Variants in MARCHF7 observed in about 807,000 individuals in gnomAD.
MARCHF7 encodes E3 ubiquitin-protein ligase MARCHF7.
In MARCHF7, 20 loss-of-function variants were observed where a neutral mutation model predicts 76.5. The ratio of observed to expected loss-of-function variants is 0.26; its 90% confidence interval spans 0.18 to 0.38. The LOEUF (loss-of-function observed/expected upper bound fraction) is 0.38. Among genes scored for constraint, MARCHF7 ranks in the 10% least tolerant of loss-of-function variants. MARCHF7 has a pLI of 1.00. For synonymous variants in MARCHF7, 295 were observed against 293.0 expected, an observed-to-expected ratio of 1.01 and a Z score of -0.07; for missense variants, 797 against 812.9, an observed-to-expected ratio of 0.98 and a Z score of 0.24.
At chr2:159,747,088 G>T (rs778988268) in intron 6 of MARCHF7, among the ~76,000 whole-genome samples, 3 of 152,126 alleles carry the variant, frequency 2.0e-5, no homozygotes, top group Non-Finnish European at 4.4e-5. Flanking sequence ...CTTTGCAAAG[G>T]AATCCTGTAG....
chr2:159,725,119 T>G (rs186521739), intron 3 of MARCHF7, among the ~76,000 whole-genome samples: 1 of 152,364 alleles, frequency 6.6e-6, no homozygotes, highest in Admixed American at 6.5e-5. Context: ...TCTTTGCTAT[T>G]GTGAGTAGTG....
chr2:159,765,398 G>A (rs1378913947), intron 11 of MARCHF7, among the ~76,000 whole-genome samples: 1 of 152,032 alleles, frequency 6.6e-6, no homozygotes, highest in African/African-American at 2.4e-5. Context: ...GTAACTTCCA[G>A]TGTGCTTCAT....
At chr2:159,732,360 T>G (rs941829715) in intron 4 of MARCHF7, among the ~76,000 whole-genome samples, 2 of 152,178 alleles carry the variant, frequency 1.3e-5, no homozygotes, top group African/African-American at 2.4e-5. Context: ...TCTAAATGCT[T>G]TTTAGTTGCT....
At chr2:159,727,104 CATACA>C (rs1333955473) in intron 3 of MARCHF7, among the ~76,000 whole-genome samples, 3 of 152,060 alleles carry the variant, frequency 2.0e-5, no homozygotes, top group African/African-American at 7.2e-5. Context: ...CATAACTATG[CATACA>C]ATACAATAAT....
chr2:159,732,719 A>G (rs1225965473), intron 4 of MARCHF7: 9 of 387,148 alleles, frequency 2.3e-5, no homozygotes, highest in Non-Finnish European at 2.8e-5. Context: ...TCTTATAGAG[A>G]TGGGGTCTTG....
intron 10 of MARCHF7, among the ~76,000 whole-genome samples, 160 bp downstream of exon 10, chr2:159,763,153 G>C (rs1707317428): frequency 6.6e-6 from 1 of 152,102 alleles, no homozygotes; most frequent in Non-Finnish European, 1.5e-5. Context: ...AATGGAAATT[G>C]CTGTCTTCTA....
In MARCHF7 at chr2:159,768,017, G is replaced by C. The variant is rs1281431009; in HGVS notation, c.*675G>C. ...GCAAAATGCAGATTATATTTGATAG[G>C]CTATAGTATGTAGATATTCCTTTTA... On this transcript the variant is annotated 3_prime_UTR_variant, in exon 12 of 12. Coordinates refer to ENST00000409175, the MANE Select transcript of MARCHF7 (RefSeq NM_001282805.2). 2 of 152,404 alleles carry C rather than the reference G, an allele frequency of 1.3e-5. No homozygotes were observed. The highest frequency in any genetic ancestry group is 2.9e-5 in the Non-Finnish European group (2 of 67,948). 9.4% of individuals were successfully genotyped at this position (152,404 alleles called of 1,614,324 possible). A position where few individuals can be genotyped will look rare whatever the true frequency, so the allele number is the denominator to read the frequency against.
intron 4 of MARCHF7, among the ~76,000 whole-genome samples, chr2:159,734,358 G>C (rs2125455362): frequency 6.6e-6 from 1 of 151,550 alleles, no homozygotes; most frequent in Admixed American, 6.6e-5. Context: ...CTGCTATAGA[G>C]ATCAGTACCA....
At position 159,743,398 on chromosome 2, in the gene MARCHF7, T is replaced by G. The variant is rs1704382274; in HGVS notation, c.346+145T>G. 9 of 692,802 alleles carry G rather than the reference T, an allele frequency of 1.3e-5. No individual in the cohort carries two copies. In the South Asian group the frequency reaches 1.8e-4, roughly 14 times the overall value. 42.9% of individuals were successfully genotyped at this position (692,802 alleles called of 1,614,324 possible). On this transcript the variant is annotated intron_variant, in intron 5 of 11. Coordinates refer to ENST00000409175, the MANE Select transcript of MARCHF7 (RefSeq NM_001282805.2). ...GGAATTTCCAAAATCTTACTTTAAA[T>G]TAATGCTAGAACTGATACTCTTCTG... is the stretch of plus-strand genomic sequence containing the variant.
chr2:159,722,716 A>G (rs781660904), intron 3 of MARCHF7, among the ~76,000 whole-genome samples: 1 of 152,174 alleles, frequency 6.6e-6, no homozygotes, highest in Non-Finnish European at 1.5e-5. Context: ...TTTTCACTAT[A>G]TTTTGTGCTT....
chr2:159,733,151 G>A (rs1703024013), intron 4 of MARCHF7: 1 of 730,486 alleles, frequency 1.4e-6, no homozygotes, highest in Non-Finnish European at 1.7e-6. Context: ...GTAGGGTATA[G>A]TATAATGTTA....
intron 7 of MARCHF7, among the ~76,000 whole-genome samples, chr2:159,751,266 C>G (rs967327562): frequency 6.6e-6 from 1 of 152,152 alleles, no homozygotes; most frequent in Non-Finnish European, 1.5e-5. Context: ...ACCACTCTAT[C>G]TGGTTAATTA....
rs1704379240 is a variant in MARCHF7, at chr2:159,743,369, T to C, written c.346+116T>C. The stretch of plus-strand genomic sequence containing the variant: ...ATATGAAGACAGTGGGTCAGAAATG[T>C]AGTGGAATTTCCAAAATCTTACTTT... On this transcript the variant is annotated intron_variant, in intron 5 of 11. Coordinates refer to ENST00000409175, the MANE Select transcript of MARCHF7 (RefSeq NM_001282805.2). 16 of 921,562 alleles carry C rather than the reference T, an allele frequency of 1.7e-5. 1 individual carries two copies. In the South Asian group the frequency reaches 2.0e-4, roughly 12 times the overall value. 57.1% of individuals were successfully genotyped at this position (921,562 alleles called of 1,614,324 possible).
intron 5 of MARCHF7, among the ~76,000 whole-genome samples, chr2:159,745,118 T>A (rs553385331): frequency 1.3e-5 from 2 of 152,338 alleles, no homozygotes; most frequent in Non-Finnish European, 2.9e-5. Context: ...TTTTGTGAAA[T>A]TCTCCATCTT....
intron 3 of MARCHF7, among the ~76,000 whole-genome samples, chr2:159,718,463 T>A (rs1574176147): frequency 6.6e-6 from 1 of 152,168 alleles, no homozygotes; most frequent in Admixed American, 6.5e-5. Flanking sequence ...TTATGACTAC[T>A]GTGTGACTCT....
chr2:159,727,543 G>A (rs1260102517), intron 3 of MARCHF7, among the ~76,000 whole-genome samples: 1 of 152,098 alleles, frequency 6.6e-6, no homozygotes, highest in Admixed American at 6.5e-5. Context: ...AGCCGAGATC[G>A]TGCCACTTCA....
At position 159,759,293 on chromosome 2, in the gene MARCHF7, T is replaced by G. The variant is rs1008697985; in HGVS notation, c.1851T>G (p.Asp617Glu). 4.3e-6 allele frequency: 7 copies of G among 1,612,074 alleles called. No homozygotes were observed. Among genetic ancestry groups the G allele is most frequent in the African/African-American group, 1.3e-5 (1 of 74,874 alleles). ...AGAAGTTGGAGCTTAACCTGGAGGA[T>G]TTTGATATTCATGAACTACATAGAG... ...CKEKLELNLE[D>E]FDIHELHRAH... Residue 617 changes from aspartate (D) to glutamate (E), a missense_variant, in exon 9 of 12, where the codon GAT becomes GAG. By Grantham distance (45) the Asp-to-Glu change is conservative (BLOSUM62 2). Around this residue, in one of 3 missense-constraint regions of MARCHF7, gnomAD observed 124 missense variants for 121.3 expected, o/e 1.02. Transcript: ENST00000409175.
chr2:159,718,114 A>G (rs1300899035), intron 3 of MARCHF7, among the ~76,000 whole-genome samples: 7 of 152,218 alleles, frequency 4.6e-5, no homozygotes. Flanking sequence ...TGAAGTTGAT[A>G]CTATCATTAT....
chr2:159,754,545 G>A (rs976395754), intron 8 of MARCHF7, among the ~76,000 whole-genome samples: 1 of 151,958 alleles, frequency 6.6e-6, no homozygotes, highest in Admixed American at 6.6e-5. Flanking sequence ...CTGGAGATAG[G>A]GAACAGGAAT....
Sources: gnomAD v4.1 joint callset for allele counts (sites outside exome capture counted in the v4.1 genomes callset) on GRCh38, gnomAD v4.1.1 for gene constraint, gnomAD v4.1.1 regional missense constraint, MANE v1.5 for transcripts, NCBI Gene and HGNC (gene_info 2026-07-23, HGNC 2026-07-21) for gene names.